The following LMX1A variants were observed in gnomAD, a reference collection of about 807,000 sequenced individuals.
LMX1A encodes LIM homeobox transcription factor 1 alpha.
A neutral mutation model predicts 49.1 loss-of-function variants in LMX1A; 15 were observed. The observed-to-expected ratio is 0.31, with a 90% CI of 0.20 to 0.47. The LOEUF is 0.47. Ranked by LOEUF, LMX1A falls within the 20% of genes least tolerant of loss-of-function variation. The pLI, the probability that LMX1A is intolerant of heterozygous loss-of-function variation, is 1.00. For missense variants in LMX1A, 372 were observed against 475.8 expected, an observed-to-expected ratio of 0.78 and a Z score of 2.03; for synonymous variants, 167 against 185.7, an observed-to-expected ratio of 0.90 and a Z score of 0.82.
intron 6 of LMX1A, 159 bp downstream of exon 6, chr1:165,210,540 G>T (rs1008882419): frequency 1.1e-4 from 53 of 461,452 alleles, no homozygotes; most frequent in Non-Finnish European, 1.7e-4. Flanking sequence ...CAGGGCTGCT[G>T]TGGCCAAAAT....
chr1:165,254,949 C>T (rs553280728), intron 3 of LMX1A, among the ~76,000 whole-genome samples: 2 of 152,322 alleles, frequency 1.3e-5, no homozygotes, highest in East Asian at 3.9e-4. Context: ...AATTCCCTCA[C>T]CTGTAAAATG....
At chr1:165,204,839 C>A (rs1324012968) in intron 8 of LMX1A, among the ~76,000 whole-genome samples, 1 of 152,168 alleles carries the variant, frequency 6.6e-6, no homozygotes, top group Non-Finnish European at 1.5e-5. Context: ...AAGAATGGTA[C>A]AGATGTGACC....
At chr1:165,325,118 A>G (rs1012594128) in intron 3 of LMX1A, among the ~76,000 whole-genome samples, 2 of 152,094 alleles carry the variant, frequency 1.3e-5, no homozygotes, top group Non-Finnish European at 2.9e-5. Context: ...AAGAAACTCA[A>G]GCAAACTCTA....
At chr1:165,221,726 C>G (rs1651854389) in intron 4 of LMX1A, among the ~76,000 whole-genome samples, 1 of 152,196 alleles carries the variant, frequency 6.6e-6, no homozygotes, top group Non-Finnish European at 1.5e-5. Flanking sequence ...GGATGCCTCT[C>G]CCTTTGCTTT....
At chr1:165,295,652 G>A (rs6687004) in intron 3 of LMX1A, among the ~76,000 whole-genome samples, 1,911 of 152,090 alleles carry the variant, frequency 0.013, 43 homozygotes, top group African/African-American at 0.044. Context: ...ACATACTTGT[G>A]TGTAAAAGTG....
chr1:165,206,808 C>A (rs1034888022), intron 7 of LMX1A, among the ~76,000 whole-genome samples: 1 of 152,158 alleles, frequency 6.6e-6, no homozygotes, highest in Non-Finnish European at 1.5e-5. Flanking sequence ...CCTGCTCCAC[C>A]CTTCCCCACA....
At chr1:165,214,147 G>T (rs1352437574) in intron 4 of LMX1A, among the ~76,000 whole-genome samples, 1 of 152,130 alleles carries the variant, frequency 6.6e-6, no homozygotes, top group African/African-American at 2.4e-5. Context: ...TTGATGGAGG[G>T]ACATGGTGGG....
At chr1:165,234,520 G>A (rs56092557) in intron 4 of LMX1A, among the ~76,000 whole-genome samples, 20,325 of 152,090 alleles carry the variant, frequency 0.13, 2,168 homozygotes, top group African/African-American at 0.29. Context: ...GTCTGGAAAA[G>A]AGAGGTGGTT....
At chr1:165,225,569 A>G (rs924021512) in intron 4 of LMX1A, among the ~76,000 whole-genome samples, 5 of 152,230 alleles carry the variant, frequency 3.3e-5, no homozygotes, top group African/African-American at 7.2e-5. Context: ...TATTGTTGAA[A>G]TAGGGGTTAG....
intron 4 of LMX1A, among the ~76,000 whole-genome samples, chr1:165,225,179 C>T (rs1033076682): frequency 6.6e-6 from 1 of 152,202 alleles, no homozygotes; most frequent in African/African-American, 2.4e-5. Context: ...GAGGGGAGCA[C>T]TTGGTCAGGA....
chr1:165,341,906 A>G (rs1447607954), intron 3 of LMX1A, among the ~76,000 whole-genome samples: 2 of 152,184 alleles, frequency 1.3e-5, no homozygotes, highest in East Asian at 1.9e-4. Flanking sequence ...AACTGTTTAT[A>G]AGAGTCTGTT....
intron 4 of LMX1A, among the ~76,000 whole-genome samples, chr1:165,232,009 A>G (rs942465733): frequency 6.6e-6 from 1 of 152,226 alleles, no homozygotes; most frequent in Admixed American, 6.5e-5. Context: ...CAGACAAGAA[A>G]AGAGAAAACC....
chr1:165,259,773 T>C (rs1653368498), intron 3 of LMX1A, among the ~76,000 whole-genome samples: 1 of 152,174 alleles, frequency 6.6e-6, no homozygotes, highest in South Asian at 2.1e-4. Context: ...CATGGCCCAA[T>C]GAGAGATGAA....
At chr1:165,329,070 C>G (rs185885784) in intron 3 of LMX1A, among the ~76,000 whole-genome samples, 3 of 152,194 alleles carry the variant, frequency 2.0e-5, no homozygotes, top group Non-Finnish European at 4.4e-5. Flanking sequence ...GTTTAATTGA[C>G]TCACAGTTCT....
At chr1:165,313,391 C>T (rs1031561764) in intron 3 of LMX1A, among the ~76,000 whole-genome samples, 3 of 151,898 alleles carry the variant, frequency 2.0e-5, no homozygotes, top group African/African-American at 7.3e-5. Context: ...TTAGAAAAAG[C>T]CAAAATCTGC....
At chr1:165,303,256 G>A (rs1202768851) in intron 3 of LMX1A, among the ~76,000 whole-genome samples, 1 of 152,146 alleles carries the variant, frequency 6.6e-6, no homozygotes, top group Non-Finnish European at 1.5e-5. Flanking sequence ...TGAACCTTAA[G>A]GTAAATCTGG....
intron 3 of LMX1A, among the ~76,000 whole-genome samples, chr1:165,297,332 G>A (rs1654645319): frequency 6.6e-6 from 1 of 152,252 alleles, no homozygotes; most frequent in South Asian, 2.1e-4. Flanking sequence ...AAATTCTGGT[G>A]TAATTGGTCT....
intron 8 of LMX1A, among the ~76,000 whole-genome samples, chr1:165,204,503 A>AC (rs1307580340): frequency 1.3e-5 from 2 of 152,160 alleles, no homozygotes; most frequent in Non-Finnish European, 2.9e-5. Context: ...ATCAGCTGTT[A>AC]CCCCAAATTT....
chr1:165,256,611 A>G (rs945768462), intron 3 of LMX1A, among the ~76,000 whole-genome samples: 11 of 152,218 alleles, frequency 7.2e-5, no homozygotes, highest in African/African-American at 2.7e-4. Flanking sequence ...AAAAGACATG[A>G]TATCTATTCT....
Sources: allele counts gnomAD v4.1 joint callset (sites outside exome capture counted in the v4.1 genomes callset), GRCh38; gene constraint gnomAD v4.1.1; transcripts MANE v1.5; gene names NCBI Gene and HGNC (gene_info 2026-07-23, HGNC 2026-07-21).